Variants in STK32C observed in about 807,000 individuals in gnomAD.
The protein encoded by STK32C is serine/threonine kinase 32C.
STK32C carries 31 observed loss-of-function variants against 56.5 expected under a neutral mutation model. The observed-to-expected ratio is 0.55, with a 90% CI of 0.41 to 0.74. The LOEUF is 0.74. Ranked by LOEUF, STK32C falls within the 30% of genes least tolerant of loss-of-function variation. The pLI, the probability that STK32C is intolerant of heterozygous loss-of-function variation, is 0.00. For synonymous variants in STK32C, 309 were observed against 289.4 expected (o/e 1.07, Z -0.69); for missense variants, 544 against 676.9 (o/e 0.80, Z 2.18).
chr10:132,288,033 G>A (rs2065459104), intron 1 of STK32C, among the ~76,000 whole-genome samples: 1 of 151,856 alleles, frequency 6.6e-6, no homozygotes, highest in African/African-American at 2.4e-5. Flanking sequence ...TAATGTTCAG[G>A]AATAAACCCA....
upstream of STK32C, chr10:132,331,881 ACCACCCCCTG>A (rs774644219): frequency 1.7e-6 from 2 of 1,170,612 alleles, no homozygotes; most frequent in South Asian, 1.5e-5. Flanking sequence ...GCGCAGGCGC[ACCACCCCCTG>A]CCACCCCCGC....
At chr10:132,240,754 G>A (rs931655755) in intron 2 of STK32C, among the ~76,000 whole-genome samples, 9 of 152,054 alleles carry the variant, frequency 5.9e-5, no homozygotes, top group South Asian at 2.1e-4. Context: ...AGGGCAGGGC[G>A]AGGAGCCCAG....
intron 10 of STK32C, among the ~76,000 whole-genome samples, chr10:132,216,487 GA>G (rs978847959): frequency 6.7e-6 from 1 of 149,780 alleles, no homozygotes; most frequent in African/African-American, 2.4e-5. Flanking sequence ...AAAAAAGAGA[GA>G]AAAAAAAGAA....
chr10:132,262,074 T>C (rs1399028651), intron 1 of STK32C, among the ~76,000 whole-genome samples: 1 of 152,174 alleles, frequency 6.6e-6, no homozygotes, highest in Admixed American at 6.5e-5. Context: ...CAAAACAGCA[T>C]GGCACTGGTA....
At chr10:132,327,001 T>G (rs1437661119) in intron 1 of STK32C, among the ~76,000 whole-genome samples, 2 of 152,222 alleles carry the variant, frequency 1.3e-5, no homozygotes, top group Non-Finnish European at 2.9e-5. Context: ...GTAAAACTGT[T>G]TTATTTCCTG....
In STK32C at chr10:132,230,691, G is replaced by GA. The variant is rs1393023531; in HGVS notation, c.319-2564_319-2563insT. Among the ~76,000 whole-genome samples the GA allele has an allele frequency of 2.9e-3, 406 of 137,910 alleles. 16 individuals are homozygous for GA. The highest frequency in any genetic ancestry group is 0.01 in the African/African-American group (376 of 36,058). The allele number at this position is 137,910 out of a possible 152,430, so 90.5% of individuals were successfully genotyped here. On this transcript the variant is annotated intron_variant, in intron 2 of 11. Transcript: ENST00000298630. ...GGGGGGAAGCTGGCGGGGGGGGGGG[G>GA]GCTGCAGAGCCCACCTCTGCCTGGA...
intron 10 of STK32C, 115 bp from the exon 11 acceptor site, chr10:132,209,216 C>A (rs113820490): frequency 1.0e-6 from 1 of 966,130 alleles, no homozygotes; most frequent in Non-Finnish European, 1.6e-6. Flanking sequence ...CTTTGGATGA[C>A]GGCCTCTGGG....
In STK32C at chr10:132,219,870, G is replaced by A. The variant is rs544765712; in HGVS notation, c.1251+2771C>T. ...CAACACAGGGCCCACCAGGTCTGAG[G>A]AGGCTGCACGGGGGCTGAGGCACAA... On this transcript the variant is annotated intron_variant, in intron 10 of 11. Transcript: ENST00000298630. 7.2e-5 allele frequency among the ~76,000 whole-genome samples: 11 copies of A among 152,262 alleles called. No homozygotes were observed. In the East Asian group the frequency reaches 1.9e-3, roughly 27 times the overall value.
intron 1 of STK32C, among the ~76,000 whole-genome samples, chr10:132,260,455 C>T (rs1187534633): frequency 6.6e-6 from 1 of 152,224 alleles, no homozygotes; most frequent in African/African-American, 2.4e-5. Context: ...ATGGGCTCCA[C>T]CCCAAGCCCC....
chr10:132,266,248 A>T (rs893579098), intron 1 of STK32C, among the ~76,000 whole-genome samples: 1 of 152,292 alleles, frequency 6.6e-6, no homozygotes, highest in Non-Finnish European at 1.5e-5. Flanking sequence ...GCGTCGTGCG[A>T]TTCTGTTTGT....
chr10:132,313,018 C>T (rs758017509), intron 1 of STK32C, among the ~76,000 whole-genome samples: 1 of 152,110 alleles, frequency 6.6e-6, no homozygotes, highest in African/African-American at 2.4e-5. Context: ...CCAGCCTGGG[C>T]GACAGAGCGA....
At chr10:132,246,686 A>C (rs2063708024) in intron 1 of STK32C, among the ~76,000 whole-genome samples, 1 of 152,114 alleles carries the variant, frequency 6.6e-6, no homozygotes, top group Non-Finnish European at 1.5e-5. Flanking sequence ...TGCCCTATTC[A>C]CACCAAGGAA....
intron 2 of STK32C, among the ~76,000 whole-genome samples, chr10:132,229,595 T>C (rs913657064): frequency 3.3e-5 from 5 of 152,238 alleles, no homozygotes; most frequent in Admixed American, 2.6e-4. Flanking sequence ...GATTTGGATG[T>C]GGGTGTTTTG....
chr10:132,331,884 A>T, upstream of STK32C: 1 of 1,019,816 alleles, frequency 9.8e-7, no homozygotes, highest in Non-Finnish European at 1.4e-6. Flanking sequence ...CAGGCGCACC[A>T]CCCCCTGCCA....
intron 10 of STK32C, among the ~76,000 whole-genome samples, chr10:132,216,836 G>C (rs1590144855): frequency 6.6e-6 from 1 of 152,236 alleles, no homozygotes; most frequent in Non-Finnish European, 1.5e-5. Context: ...CAGAAGTCAA[G>C]AATTGAGGTT....
intron 2 of STK32C, among the ~76,000 whole-genome samples, chr10:132,229,571 CAT>C (rs2063021866): frequency 6.6e-6 from 1 of 152,224 alleles, no homozygotes; most frequent in Non-Finnish European, 1.5e-5. Context: ...CGAATGGTAA[CAT>C]GTTTGTTCTG....
chr10:132,268,055 C>A (rs7088772), intron 1 of STK32C, among the ~76,000 whole-genome samples: 66,025 of 115,510 alleles, frequency 0.57, 18,337 homozygotes, highest in African/African-American at 0.72. Flanking sequence ...GTCTGTGTGC[C>A]CACATGTCCC....
At chr10:132,331,542 T>G (rs746655302) in exon 1 of STK32C, 1 of 1,612,870 alleles carries the variant, frequency 6.2e-7, no homozygotes, top group East Asian at 2.2e-5. Flanking sequence ...AGGCAAGATT[T>G]GGGGACAAGC....
At chr10:132,242,565 C>T (rs983420282) in intron 2 of STK32C, among the ~76,000 whole-genome samples, 1 of 152,102 alleles carries the variant, frequency 6.6e-6, no homozygotes, top group African/African-American at 2.4e-5. Flanking sequence ...GATCCACCCC[C>T]GCCTCAGGCT....
Sources: allele counts gnomAD v4.1 joint callset (sites outside exome capture counted in the v4.1 genomes callset), GRCh38; gene constraint gnomAD v4.1.1; transcripts MANE v1.5; gene names NCBI Gene and HGNC (gene_info 2026-07-23, HGNC 2026-07-21).